ATXN7L1: variants seen among roughly 807,000 people sequenced by gnomAD.
ATXN7L1 encodes the protein ataxin-7-like protein 1.
A neutral mutation model predicts 70.8 loss-of-function variants in ATXN7L1; 15 were observed. The ratio of observed to expected loss-of-function variants is 0.21; its 90% CI spans 0.14 to 0.33. The LOEUF is 0.33. ATXN7L1 is among the 10% of genes least tolerant of loss of function. The probability of loss-of-function intolerance (pLI) is 1.00; values close to 1 mark genes in which losing one functional copy is unlikely to be tolerated. For synonymous variants in ATXN7L1, 440 were observed against 445.1 expected, an observed-to-expected ratio of 0.99 and a Z score of 0.14; for missense variants, 975 against 1,097.1, an observed-to-expected ratio of 0.89 and a Z score of 1.57.
chr7:105,833,619 A>G (rs891220591), intron 2 of ATXN7L1, among the ~76,000 whole-genome samples: 17 of 152,346 alleles, frequency 1.1e-4, no homozygotes, highest in South Asian at 4.1e-4. Context: ...GAGAGTATCC[A>G]TTTGTCAAAA....
rs1322960477 is a variant in ATXN7L1 at position 105,624,222 on chromosome 7, A to G, written c.1248T>C (p.His416=). The G allele has an allele frequency of 6.6e-7, 1 of 1,508,464 alleles. No homozygotes were observed. The highest frequency in any genetic ancestry group is 1.3e-5 in the South Asian group (1 of 78,736). 93.4% of individuals were successfully genotyped at this position (1,508,464 alleles called of 1,614,324 possible). Residue 416 remains histidine (H), a synonymous_variant, in exon 8 of 12, where the codon CAT becomes CAC. Coordinates refer to ENST00000419735, the MANE Select transcript of ATXN7L1 (RefSeq NM_020725.2). Reference sequence around the variant, plus strand: ...GTGGGGGCTCTGGAGTGTGGCCGCTATGATTTGAAGATGTGCTGCTGCTTA... The same window carrying G: ...GTGGGGGCTCTGGAGTGTGGCCGCTGTGATTTGAAGATGTGCTGCTGCTTA... ...NSISSSTSSN[H]SGHTPEPPLP... is the part of the protein sequence containing the mutation.
chr7:105,875,081 G>A (rs1419492176), intron 2 of ATXN7L1: 2 of 152,576 alleles, frequency 1.3e-5, no homozygotes, highest in Non-Finnish European at 2.9e-5. Flanking sequence ...AGTTACATAC[G>A]GCAGGCTTGC....
chr7:105,875,970 G>A (rs1206850299), intron 1 of ATXN7L1, 90 bp from the exon 2 acceptor site: 3 of 1,098,866 alleles, frequency 2.7e-6, no homozygotes, highest in Non-Finnish European at 4.1e-6. Context: ...GTGTTTATTT[G>A]CAAACAGATC....
chr7:105,816,014 C>T (rs565903207), intron 2 of ATXN7L1, among the ~76,000 whole-genome samples: 2 of 152,288 alleles, frequency 1.3e-5, no homozygotes, highest in Admixed American at 1.3e-4. Flanking sequence ...GGTTGGCTCC[C>T]TAGTGAATAA....
chr7:105,795,813 A>C (rs2116502672), intron 2 of ATXN7L1, among the ~76,000 whole-genome samples: 1 of 152,348 alleles, frequency 6.6e-6, no homozygotes, highest in East Asian at 1.9e-4. Flanking sequence ...TTCTTGGAAA[A>C]AATAACACAG....
chr7:105,791,435 G>A (rs1254666930), intron 2 of ATXN7L1, among the ~76,000 whole-genome samples: 3 of 152,178 alleles, frequency 2.0e-5, no homozygotes, highest in Non-Finnish European at 4.4e-5. Context: ...CCCGAACCTG[G>A]GCCCAGCCAA....
chr7:105,823,728 T>C (rs1280180834), intron 2 of ATXN7L1, among the ~76,000 whole-genome samples: 1 of 152,170 alleles, frequency 6.6e-6, no homozygotes, highest in African/African-American at 2.4e-5. Context: ...ATGGGAGATA[T>C]CAGCAAACAA....
intron 3 of ATXN7L1, among the ~76,000 whole-genome samples, chr7:105,713,593 T>C (rs928597872): frequency 6.6e-6 from 1 of 152,220 alleles, no homozygotes; most frequent in Non-Finnish European, 1.5e-5. Context: ...AAGCAGGGCC[T>C]GAGGCCCTTA....
chr7:105,795,174 G>T (rs554615646), intron 2 of ATXN7L1, among the ~76,000 whole-genome samples: 1 of 152,298 alleles, frequency 6.6e-6, no homozygotes, highest in Non-Finnish European at 1.5e-5. Context: ...CACAAAGTTT[G>T]GGACAACAGA....
intron 7 of ATXN7L1, among the ~76,000 whole-genome samples, chr7:105,627,465 G>A (rs1200786686): frequency 6.6e-6 from 1 of 151,346 alleles, no homozygotes; most frequent in African/African-American, 2.4e-5. Context: ...CAAACTTGTG[G>A]CCTCAAATGA....
chr7:105,793,614 G>A (rs554960131), intron 2 of ATXN7L1, among the ~76,000 whole-genome samples: 25 of 152,350 alleles, frequency 1.6e-4, no homozygotes, highest in African/African-American at 5.3e-4. Context: ...TCTCTAGGCT[G>A]TGGCTGAATG....
At chr7:105,784,468 A>G (rs531909600) in intron 3 of ATXN7L1, among the ~76,000 whole-genome samples, 30 of 152,024 alleles carry the variant, frequency 2.0e-4, no homozygotes, top group African/African-American at 7.0e-4. Flanking sequence ...ACTTTTTTCA[A>G]TTTAAGTTAA....
intron 3 of ATXN7L1, among the ~76,000 whole-genome samples, chr7:105,667,869 C>A (rs1277830182): frequency 1.3e-5 from 2 of 152,166 alleles, no homozygotes; most frequent in Admixed American, 6.5e-5. Context: ...TCTTGTTTAG[C>A]AATTTCTTTT....
chr7:105,736,167 C>T (rs183645133), intron 3 of ATXN7L1, among the ~76,000 whole-genome samples: 14 of 152,288 alleles, frequency 9.2e-5, no homozygotes, highest in Admixed American at 5.2e-4. Flanking sequence ...AGTGATGAGG[C>T]TTCAGTCACC....
At chr7:105,624,292 CA>C in intron 7 of ATXN7L1, 25 bp from the exon 8 acceptor site, 1 of 1,331,054 alleles carries the variant, frequency 7.5e-7, no homozygotes, top group African/African-American at 1.5e-5. Flanking sequence ...GGAGAACAAA[CA>C]AAATAAACCA....
intron 8 of ATXN7L1, among the ~76,000 whole-genome samples, chr7:105,621,920 C>T (rs1794998731): frequency 6.6e-6 from 1 of 152,188 alleles, no homozygotes; most frequent in African/African-American, 2.4e-5. Context: ...AAAATCTTAT[C>T]ACCCATCAAA....
intron 6 of ATXN7L1, 31 bp downstream of exon 6, chr7:105,639,456 C>T (rs1467835705): frequency 4.0e-6 from 6 of 1,518,190 alleles, no homozygotes; most frequent in East Asian, 4.9e-5. Context: ...CCAGCGAGAG[C>T]AGGAAGTATT....
chr7:105,809,591 A>C (rs934464000), intron 2 of ATXN7L1, among the ~76,000 whole-genome samples: 5 of 152,210 alleles, frequency 3.3e-5, no homozygotes, highest in Non-Finnish European at 5.9e-5. Flanking sequence ...TTACAATGAT[A>C]CTGACATGGT....
chr7:105,839,519 T>A (rs1812896013), intron 2 of ATXN7L1, among the ~76,000 whole-genome samples: 2 of 152,330 alleles, frequency 1.3e-5, no homozygotes, highest in South Asian at 4.1e-4. Flanking sequence ...GAATGGTCCA[T>A]CTGGGGTGTC....
Sources: gnomAD v4.1 joint callset for allele counts (sites outside exome capture counted in the v4.1 genomes callset) on GRCh38, gnomAD v4.1.1 for gene constraint, MANE v1.5 for transcripts, NCBI Gene and HGNC (gene_info 2026-07-23, HGNC 2026-07-21) for gene names.